The following PLPP1 variants were observed in gnomAD, a reference collection of about 807,000 sequenced individuals.
The protein encoded by PLPP1 is lipid phosphate phosphohydrolase 1a.
Under a neutral mutation model 31.2 loss-of-function variants are expected in PLPP1, and 24 were observed. That is an observed-to-expected ratio of 0.77 (90% confidence interval 0.56 to 1.08). PLPP1 has a LOEUF of 1.08. Among genes scored for constraint, PLPP1 ranks in the 50% least tolerant of loss-of-function variants. PLPP1 has a pLI of 0.00. For synonymous variants in PLPP1, 146 were observed against 126.3 expected (o/e 1.16, Z -1.05); for missense variants, 319 against 342.7 (o/e 0.93, Z 0.55).
intron 4 of PLPP1, among the ~76,000 whole-genome samples, chr5:55,427,356 C>CTT (rs1751229605): frequency 6.6e-6 from 1 of 152,138 alleles, no homozygotes; most frequent in South Asian, 2.1e-4. Context: ...TTATCAAGTA[C>CTT]TTAGTATAAA....
chr5:55,437,942 A>G (rs1751531185), intron 4 of PLPP1, among the ~76,000 whole-genome samples: 1 of 152,242 alleles, frequency 6.6e-6, no homozygotes, highest in Admixed American at 6.5e-5. Context: ...TCTTAAGGAA[A>G]GTGGATAGTA....
intron 1 of PLPP1, among the ~76,000 whole-genome samples, chr5:55,511,663 T>G (rs1460049507): frequency 4.0e-5 from 4 of 100,088 alleles, no homozygotes; most frequent in Admixed American, 1.1e-4. Context: ...TTTTTTTTTT[T>G]TTTTTTTTTT....
At chr5:55,510,825 G>A (rs1753389337) in intron 1 of PLPP1, among the ~76,000 whole-genome samples, 1 of 152,152 alleles carries the variant, frequency 6.6e-6, no homozygotes, top group East Asian at 1.9e-4. Flanking sequence ...ACCTGTCTGA[G>A]CTCAGTTTCC....
chr5:55,529,418 T>C (rs1249939030), intron 1 of PLPP1, among the ~76,000 whole-genome samples: 1 of 152,110 alleles, frequency 6.6e-6, no homozygotes, highest in African/African-American at 2.4e-5. Context: ...AAATACTGGC[T>C]ACTGAAAATT....
intron 1 of PLPP1, among the ~76,000 whole-genome samples, chr5:55,531,661 T>G (rs1740674857): frequency 6.6e-6 from 1 of 152,214 alleles, no homozygotes; most frequent in African/African-American, 2.4e-5. Flanking sequence ...GAAGCTACCA[T>G]GATTTTAGGC....
rs144281509 is a variant in PLPP1 at position 55,486,874 on chromosome 5, T to C, written c.59-11424A>G. On this transcript the variant is annotated intron_variant, in intron 1 of 5. Transcript: ENST00000307259. ...GTTGCAGTGAGCCAAAATCGCACCA[T>C]TGCACTCCAGCTTGGGCGACAGAGC... is the stretch of plus-strand genomic sequence containing the variant. 5.4e-3 allele frequency among the ~76,000 whole-genome samples: 821 copies of C among 151,948 alleles called. 10 individuals carry two copies. Among genetic ancestry groups the C allele is most frequent in the African/African-American group, 0.019 (769 of 41,424 alleles).
intron 1 of PLPP1, among the ~76,000 whole-genome samples, chr5:55,484,218 A>G (rs1752729950): frequency 6.6e-6 from 1 of 152,080 alleles, no homozygotes; most frequent in Admixed American, 6.6e-5. Flanking sequence ...TTTGATACAT[A>G]AATCTTTGGC....
intron 2 of PLPP1, among the ~76,000 whole-genome samples, chr5:55,473,997 GTT>G (rs756603259): frequency 3.6e-5 from 1 of 28,082 alleles, no homozygotes. Context: ...TTTGTTTGTT[GTT>G]TTTTTTTTTT....
chr5:55,530,411 CAG>C (rs1474005088), intron 1 of PLPP1: 2 of 1,266,344 alleles, frequency 1.6e-6, no homozygotes, highest in African/African-American at 1.5e-5. Flanking sequence ...ATTCTTGACA[CAG>C]GGGACACTTA....
Position 55,534,581 on chromosome 5 carries a change from C to T in PLPP1, c.49G>A (p.Val17Met). The T allele has an allele frequency of 6.4e-7, 1 of 1,554,292 alleles. No individual in the cohort carries two copies. The highest frequency in any genetic ancestry group is 8.7e-7 in the Non-Finnish European group (1 of 1,152,158). The change falls in exon 1 of 6, where the codon GTG becomes ATG. Residue 17 changes from valine to methionine, a missense_variant. Transcript: ENST00000307259. ...GGCGGCGCGTACGTACCCAGCAACA[C>T]GCAGAGCACATCGAGGGCCACGTAC... ...LPYVALDVLC[V>M]LLAGLPFAIL... is the part of the protein sequence containing the mutation.
At chr5:55,471,591 A>C (rs950228764) in intron 2 of PLPP1, among the ~76,000 whole-genome samples, 5 of 152,022 alleles carry the variant, frequency 3.3e-5, no homozygotes, top group Admixed American at 2.6e-4. Flanking sequence ...AAATTATCTC[A>C]TGTCTTCTCA....
intron 2 of PLPP1, among the ~76,000 whole-genome samples, chr5:55,472,116 CTG>C (rs1752428323): frequency 6.6e-6 from 1 of 152,172 alleles, no homozygotes; most frequent in East Asian, 1.9e-4. Flanking sequence ...GAGAAAGACT[CTG>C]TCAATCAATT....
chr5:55,454,974 C>T (rs1373333167), intron 3 of PLPP1, among the ~76,000 whole-genome samples: 1 of 152,186 alleles, frequency 6.6e-6, no homozygotes, highest in Non-Finnish European at 1.5e-5. Context: ...ATGAGTTTTC[C>T]TATGATAGAA....
intron 3 of PLPP1, among the ~76,000 whole-genome samples, chr5:55,462,608 TA>T (rs1431996579): frequency 6.6e-6 from 1 of 151,958 alleles, no homozygotes; most frequent in Non-Finnish European, 1.5e-5. Context: ...GCAAAAACCA[TA>T]AAAGAAAAAA....
intron 1 of PLPP1, among the ~76,000 whole-genome samples, chr5:55,520,876 A>T (rs1331258500): frequency 6.6e-6 from 1 of 152,238 alleles, no homozygotes; most frequent in Non-Finnish European, 1.5e-5. Flanking sequence ...TCTCTGCTGT[A>T]CAGCAACAGC....
intron 2 of PLPP1, among the ~76,000 whole-genome samples, chr5:55,472,981 T>C (rs762360982): frequency 6.6e-6 from 1 of 152,174 alleles, no homozygotes; most frequent in Non-Finnish European, 1.5e-5. Flanking sequence ...TCCTTTTTAC[T>C]GACACCAAAA....
At chr5:55,501,499 G>T (rs991239323) in intron 1 of PLPP1, among the ~76,000 whole-genome samples, 3 of 151,990 alleles carry the variant, frequency 2.0e-5, no homozygotes, top group Admixed American at 6.6e-5. Flanking sequence ...ATGAAACAAA[G>T]CTAATTTATT....
At chr5:55,513,137 A>C (rs1042650138) in intron 1 of PLPP1, among the ~76,000 whole-genome samples, 1 of 152,200 alleles carries the variant, frequency 6.6e-6, no homozygotes, top group African/African-American at 2.4e-5. Flanking sequence ...TACCCACAAA[A>C]TTCCCTTAAC....
chr5:55,430,548 G>T (rs960259972), intron 4 of PLPP1, among the ~76,000 whole-genome samples: 1 of 152,190 alleles, frequency 6.6e-6, no homozygotes, highest in African/African-American at 2.4e-5. Flanking sequence ...AAGCCAAAGT[G>T]ATCTACCCGA....
Sources: gnomAD v4.1 joint callset for allele counts (sites outside exome capture counted in the v4.1 genomes callset) on GRCh38, gnomAD v4.1.1 for gene constraint, MANE v1.5 for transcripts, NCBI Gene and HGNC (gene_info 2026-07-23, HGNC 2026-07-21) for gene names.